ZFP37: variants seen among roughly 807,000 people sequenced by gnomAD.
ZFP37 encodes the protein zinc finger protein 37 homolog.
A neutral mutation model predicts 52.1 loss-of-function variants in ZFP37; 38 were observed. The ratio of observed to expected loss-of-function variants is 0.73; its 90% CI spans 0.56 to 0.96. The LOEUF (loss-of-function observed/expected upper bound fraction) is 0.96. Among genes scored for constraint, ZFP37 ranks in the 40% least tolerant of loss-of-function variants. The pLI, the probability that ZFP37 is intolerant of heterozygous loss-of-function variation, is 0.00. For missense variants in ZFP37, 695 were observed against 741.4 expected, an observed-to-expected ratio of 0.94 and a Z score of 0.73; for synonymous variants, 253 against 259.5, an observed-to-expected ratio of 0.98 and a Z score of 0.24.
rs536550481 is a variant in ZFP37, at chr9:113,051,450, T to C, written c.133-1578A>G. ...CAACCAAATTTTTTTTCCTTCTTTT[T>C]TTTGCAGTGGGGTGGGGGAGCAGAT... On this transcript the variant is annotated intron_variant, in intron 1 of 3. Coordinates refer to ENST00000374227, the MANE Select transcript of ZFP37 (RefSeq NM_003408.3). 2.6e-5 allele frequency among the ~76,000 whole-genome samples: 4 copies of C among 152,166 alleles called. No homozygotes were observed. In the South Asian group the frequency reaches 8.3e-4, roughly 32 times the overall value.
Position 113,043,411 on chromosome 9 carries a change from T to C in ZFP37, c.1207A>G (p.Lys403Glu), listed in dbSNP as rs1044400586. Residue 403 changes from lysine to glutamate, a missense_variant, in exon 4 of 4, where the codon AAG (lysine) becomes GAG (glutamate). Physicochemically the swap from Lys to Glu is moderately conservative, Grantham distance 56. This residue lies in a region of ZFP37 where 326 missense variants were observed against 400.5 expected (regional missense o/e 0.81). Coordinates refer to ENST00000374227, the MANE Select transcript of ZFP37 (RefSeq NM_003408.3). ...CCACATTCCTTACATTCATATGGCTTCTCACCTGTGTGAGATCTCACATGT... is the reference window on the plus strand; with the variant it reads ...CCACATTCCTTACATTCATATGGCTCCTCACCTGTGTGAGATCTCACATGT... Reference protein sequence around the residue: ...IQHVRSHTGEKPYECKECGKS... With the variant: ...IQHVRSHTGEEPYECKECGKS... 6.2e-7 allele frequency: 1 copy of C among 1,614,028 alleles called. No individual in the cohort carries two copies. The highest frequency in any genetic ancestry group is 1.3e-5 in the African/African-American group (1 of 74,946).
Position 113,039,667 on chromosome 9 carries a change from G to C in ZFP37, c.*3058C>G, listed in dbSNP as rs978274942. The C allele has an allele frequency of 6.6e-6, 1 of 152,126 alleles. No homozygotes were observed. The highest frequency in any genetic ancestry group is 2.4e-5 in the African/African-American group (1 of 41,424). The allele number at this position is 152,126 out of a possible 1,614,324, so 9.4% of individuals were successfully genotyped here. ...TCTAGAATTAAGGTCTATGAGAACAGGGTTTTGTTTTGTTTGTTTGCTTTC... is the reference window on the plus strand; with the variant it reads ...TCTAGAATTAAGGTCTATGAGAACACGGTTTTGTTTTGTTTGTTTGCTTTC... On this transcript the variant is annotated 3_prime_UTR_variant, in exon 4 of 4. Transcript: ENST00000374227.
At chr9:113,048,206 T>C (rs769692101) in intron 3 of ZFP37, among the ~76,000 whole-genome samples, 1 of 152,184 alleles carries the variant, frequency 6.6e-6, no homozygotes, top group Non-Finnish European at 1.5e-5. Flanking sequence ...AGGCATGAAT[T>C]CTGTGGGATT....
At chr9:113,046,160 A>G (rs187273480) in intron 3 of ZFP37, among the ~76,000 whole-genome samples, 1 of 150,082 alleles carries the variant, frequency 6.7e-6, no homozygotes, top group East Asian at 1.9e-4. Context: ...ATAGACAGAT[A>G]TATATCTATA....
rs1587908223 is a variant in ZFP37 at position 113,042,436 on chromosome 9, TTGAATATTC to T, written c.*280_*288del. On this transcript the variant is annotated 3_prime_UTR_variant, in exon 4 of 4. Transcript: ENST00000374227. ...ATATATAACTTGTTTCTCCATTGCT[TTGAATATTC>T]AAATAATTCACAATTTTTAAAGCTT... 1 of 272,812 alleles carries T rather than the reference TTGAATATTC, an allele frequency of 3.7e-6. No individual in the cohort carries two copies. Among genetic ancestry groups the T allele is most frequent in the East Asian group, 7.8e-5 (1 of 12,834 alleles). 16.9% of individuals were successfully genotyped at this position (272,812 alleles called of 1,614,324 possible). A position where few individuals can be genotyped will look rare whatever the true frequency, so the allele number is the denominator to read the frequency against.
chr9:113,038,731 C>T lies in ZFP37; in HGVS notation c.*3994G>A, dbSNP rs1017370696. ...CTGGGAGGTAGAGATTGTAATGAGC[C>T]AAGATTGCACTACTGCACACTCCAG... On this transcript the variant is annotated 3_prime_UTR_variant, in exon 4 of 4. Coordinates refer to ENST00000374227, the MANE Select transcript of ZFP37 (RefSeq NM_003408.3). The T allele has an allele frequency of 1.3e-5, 2 of 151,832 alleles. No individual in the cohort carries two copies. The highest frequency in any genetic ancestry group is 1.3e-4 in the Admixed American group (2 of 15,230). The allele number at this position is 151,832 out of a possible 1,614,324, so 9.4% of individuals were successfully genotyped here. A position where few individuals can be genotyped will look rare whatever the true frequency, so the allele number is the denominator to read the frequency against.
intron 1 of ZFP37, among the ~76,000 whole-genome samples, chr9:113,050,355 C>T (rs575861145): frequency 2.0e-4 from 31 of 151,992 alleles, no homozygotes; most frequent in Non-Finnish European, 4.3e-4. Context: ...CACTGCACTC[C>T]AGCCTGGCTG....
At chr9:113,046,618 T>C (rs949471231) in intron 3 of ZFP37, among the ~76,000 whole-genome samples, 1 of 152,024 alleles carries the variant, frequency 6.6e-6, no homozygotes, top group African/African-American at 2.4e-5. Flanking sequence ...AACGAGTAAA[T>C]TGGTATAGTA....
chr9:113,051,193 A>AAC (rs764963729), intron 1 of ZFP37, among the ~76,000 whole-genome samples: 29 of 152,324 alleles, frequency 1.9e-4, no homozygotes, highest in Non-Finnish European at 4.0e-4. Context: ...TAACTTGATA[A>AAC]TGTGCTTGTA....
At chr9:113,045,491 T>C (rs1259746161) in intron 3 of ZFP37, among the ~76,000 whole-genome samples, 2 of 152,202 alleles carry the variant, frequency 1.3e-5, no homozygotes, top group Non-Finnish European at 1.5e-5. Flanking sequence ...TCTTTCTAAT[T>C]GTCAGTTATA....
chr9:113,047,777 A>AG (rs1828984457), intron 3 of ZFP37, among the ~76,000 whole-genome samples: 1 of 152,240 alleles, frequency 6.6e-6, no homozygotes, highest in South Asian at 2.1e-4. Flanking sequence ...ACACCCTGAT[A>AG]AAAACAGGGA....
intron 3 of ZFP37, 44 bp from the exon 4 acceptor site, chr9:113,044,312 CTT>C (rs753539155): frequency 5.4e-6 from 8 of 1,491,022 alleles, no homozygotes; most frequent in Non-Finnish European, 7.1e-6. Context: ...TCTTTGTACT[CTT>C]ATATTTTGGA....
Position 113,041,806 on chromosome 9 carries a change from A to T in ZFP37, c.*919T>A, listed in dbSNP as rs182200163. 120 of 152,292 alleles carry T rather than the reference A, an allele frequency of 7.9e-4. No individual in the cohort carries two copies. Among genetic ancestry groups the T allele is most frequent in the Non-Finnish European group, 1.4e-3 (94 of 68,014 alleles). 9.4% of individuals were successfully genotyped at this position (152,292 alleles called of 1,614,324 possible). A position where few individuals can be genotyped will look rare whatever the true frequency, so the allele number is the denominator to read the frequency against. Reference sequence around the variant, plus strand: ...TGTGGAGGGGCTCAGTGACAACCTTAAATAATGTTGATTTATGCATATTAA... The same window carrying T: ...TGTGGAGGGGCTCAGTGACAACCTTTAATAATGTTGATTTATGCATATTAA... On this transcript the variant is annotated 3_prime_UTR_variant, in exon 4 of 4. Coordinates refer to ENST00000374227, the MANE Select transcript of ZFP37 (RefSeq NM_003408.3).
At chr9:113,049,988 T>C (rs1829028058) in intron 1 of ZFP37, 116 bp from the exon 2 acceptor site, 17 of 1,514,272 alleles carry the variant, frequency 1.1e-5, no homozygotes, top group Non-Finnish European at 1.5e-5. Flanking sequence ...AGATAATAAT[T>C]TGTTCTTACC....
At chr9:113,053,159 C>CT (rs2118718710) in intron 1 of ZFP37, among the ~76,000 whole-genome samples, 1 of 152,236 alleles carries the variant, frequency 6.6e-6, no homozygotes, top group Admixed American at 6.5e-5. Context: ...GCCCTCTGAC[C>CT]ATCATTTCCT....
In ZFP37 at chr9:113,043,417, C is replaced by A. The variant is rs547583933; in HGVS notation, c.1201G>T (p.Gly401Cys). ...TCCTTACATTCATATGGCTTCTCAC[C>A]TGTGTGAGATCTCACATGTTGAATA... ...NLIQHVRSHT[G>C]EKPYECKECG... Residue 401 changes from glycine (G) to cysteine (C), a missense_variant, in exon 4 of 4, where the codon GGT becomes TGT. By Grantham distance (159) the Gly-to-Cys change is radical. Transcript: ENST00000374227. 4 of 1,613,980 alleles carry A rather than the reference C, an allele frequency of 2.5e-6. No homozygotes were observed. The highest frequency in any genetic ancestry group is 3.4e-6 in the Non-Finnish European group (4 of 1,179,974).
In ZFP37 at chr9:113,044,072, T is replaced by C; in HGVS notation, c.546A>G (p.Lys182=). Reference sequence around the variant, plus strand: ...GTAAATCTAAATTCTGTTTCAAAATTTTTCCACATGACTCAAATTTAAGAA... The same window carrying C: ...GTAAATCTAAATTCTGTTTCAAAATCTTTCCACATGACTCAAATTTAAGAA... ...KRLLKFESCG[K]ILKQNLDLPD... Residue 182 remains lysine, a synonymous_variant, in exon 4 of 4, where the codon AAA becomes AAG. Coordinates refer to ENST00000374227, the MANE Select transcript of ZFP37 (RefSeq NM_003408.3). 1 of 1,609,174 alleles carries C rather than the reference T, an allele frequency of 6.2e-7. No individual in the cohort carries two copies. Among genetic ancestry groups the C allele is most frequent in the Non-Finnish European group, 8.5e-7 (1 of 1,178,840 alleles).
intron 3 of ZFP37, among the ~76,000 whole-genome samples, chr9:113,047,506 C>T (rs889491848): frequency 6.6e-6 from 1 of 151,946 alleles, no homozygotes; most frequent in Non-Finnish European, 1.5e-5. Flanking sequence ...AATCCCAACA[C>T]TGGGAAGCTG....
intron 1 of ZFP37, among the ~76,000 whole-genome samples, chr9:113,053,547 G>C (rs1246576006): frequency 6.6e-6 from 1 of 152,110 alleles, no homozygotes; most frequent in African/African-American, 2.4e-5. Flanking sequence ...CCTAACCCTA[G>C]AAAATACACC....
Sources: gnomAD v4.1 joint callset for allele counts (sites outside exome capture counted in the v4.1 genomes callset) on GRCh38, gnomAD v4.1.1 for gene constraint, gnomAD v4.1.1 regional missense constraint, MANE v1.5 for transcripts, NCBI Gene and HGNC (gene_info 2026-07-23, HGNC 2026-07-21) for gene names.